The following NAA11 variants were observed in gnomAD, a reference collection of about 807,000 sequenced individuals.
The protein encoded by NAA11 is N-alpha-acetyltransferase 11, NatA catalytic subunit.
In NAA11, 15 loss-of-function variants were observed where a neutral mutation model predicts 16.1. That is an observed-to-expected ratio of 0.93 (90% CI 0.62 to 1.44). NAA11 has a LOEUF of 1.44. NAA11 is among the 40% of genes most tolerant of loss of function. NAA11 has a pLI of 0.00. For synonymous variants in NAA11, 122 were observed against 112.4 expected (o/e 1.09, Z -0.54); for missense variants, 298 against 291.3 (o/e 1.02, Z -0.17).
the NAA11 span, among the ~76,000 whole-genome samples, chr4:79,157,533 A>G: frequency 2.6e-5 from 4 of 151,948 alleles, no homozygotes; most frequent in Admixed American, 6.6e-5. Flanking sequence ...ATGTATATGC[A>G]TGTATATATA....
rs184689457 is a variant in NAA11, at chr4:79,251,405, A to G, written c.*123-25135T>C. Among the ~76,000 whole-genome samples, 6 of 152,350 alleles carry G rather than the reference A, an allele frequency of 3.9e-5. No homozygotes were observed. In the East Asian group the frequency reaches 1.2e-3, roughly 29 times the overall value. On this transcript the variant is annotated intron_variant and NMD_transcript_variant, in intron 2 of 2. Transcript: ENST00000511542. ...AACCAAATATCTCATGTTCTCACTTATAAGTGGGAGCTAAGCATTGAGTAC... is the reference window on the plus strand; with the variant it reads ...AACCAAATATCTCATGTTCTCACTTGTAAGTGGGAGCTAAGCATTGAGTAC...
intron 2 of NAA11, among the ~76,000 whole-genome samples, chr4:79,275,976 A>G (rs1180860122): frequency 6.6e-6 from 1 of 152,112 alleles, no homozygotes; most frequent in Non-Finnish European, 1.5e-5. Context: ...AATCACCTTG[A>G]CAATACATTT....
intron 1 of NAA11, among the ~76,000 whole-genome samples, chr4:79,300,281 T>C (rs1723348211): frequency 6.6e-6 from 1 of 152,204 alleles, no homozygotes; most frequent in Non-Finnish European, 1.5e-5. Context: ...GTTTTATACC[T>C]TGCCATATAC....
the NAA11 span, among the ~76,000 whole-genome samples, chr4:79,168,148 G>T: frequency 6.6e-6 from 1 of 151,934 alleles, no homozygotes; most frequent in African/African-American, 2.4e-5. Context: ...GTGTTAGTTT[G>T]CTGAGAATGA....
At chr4:79,194,166 A>C in the NAA11 span, among the ~76,000 whole-genome samples, 1 of 148,314 alleles carries the variant, frequency 6.7e-6, no homozygotes, top group Non-Finnish European at 1.5e-5. Context: ...TGTCATCTGC[A>C]AACAGGGACA....
chr4:79,277,279 G>T (rs563352826), intron 2 of NAA11, among the ~76,000 whole-genome samples: 1 of 152,020 alleles, frequency 6.6e-6, no homozygotes, highest in Non-Finnish European at 1.5e-5. Flanking sequence ...CGTTATAGGT[G>T]TACTTATTCT....
the NAA11 span, among the ~76,000 whole-genome samples, chr4:79,220,179 G>A: frequency 1.2e-3 from 185 of 152,204 alleles, 1 homozygote; most frequent in African/African-American, 3.9e-3. Context: ...TGTAACCTCC[G>A]CTTCCTGGGT....
chr4:79,288,364 T>C (rs905481260), intron 2 of NAA11, among the ~76,000 whole-genome samples: 1 of 152,178 alleles, frequency 6.6e-6, no homozygotes, highest in Non-Finnish European at 1.5e-5. Context: ...ATAATTAATA[T>C]GTTGTAAGAA....
chr4:79,194,717 C>G, the NAA11 span, among the ~76,000 whole-genome samples: 1 of 152,074 alleles, frequency 6.6e-6, no homozygotes, highest in African/African-American at 2.4e-5. Context: ...ACCTGTCAAT[C>G]CAGGGGGTTT....
intron 2 of NAA11, among the ~76,000 whole-genome samples, chr4:79,244,128 T>C (rs1042125800): frequency 9.9e-5 from 15 of 152,180 alleles, no homozygotes; most frequent in Admixed American, 9.2e-4. Flanking sequence ...AACACTTCAA[T>C]GTTAACAGGG....
At chr4:79,167,825 G>A in the NAA11 span, among the ~76,000 whole-genome samples, 5 of 152,110 alleles carry the variant, frequency 3.3e-5, no homozygotes, top group Non-Finnish European at 4.4e-5. Flanking sequence ...AAAAGGAAGA[G>A]AGAGATGGGG....
intron 2 of NAA11, among the ~76,000 whole-genome samples, chr4:79,284,473 GTTGA>G (rs1477726493): frequency 1.3e-5 from 2 of 152,032 alleles, no homozygotes; most frequent in Non-Finnish European, 2.9e-5. Flanking sequence ...AGAGTATCAG[GTTGA>G]TTATTTTTAA....
intron 2 of NAA11, among the ~76,000 whole-genome samples, chr4:79,292,657 G>C (rs899683667): frequency 6.6e-6 from 1 of 152,136 alleles, no homozygotes; most frequent in African/African-American, 2.4e-5. Flanking sequence ...CCAGAGCAAG[G>C]CTTTTCCAGA....
At position 79,280,282 on chromosome 4, in the gene NAA11, T is replaced by TA. The variant is rs1315284531; in HGVS notation, c.*122+13722dup. On this transcript the variant is annotated intron_variant and NMD_transcript_variant, in intron 2 of 2. Transcript: ENST00000511542. Reference sequence around the variant, plus strand: ...TTTGAGGCACAGTTCTTCCTCCAGATACAATGTTGGTAAGACCAGGAATCA... The same window carrying TA: ...TTTGAGGCACAGTTCTTCCTCCAGATAACAATGTTGGTAAGACCAGGAATCA... 6.6e-5 allele frequency among the ~76,000 whole-genome samples: 10 copies of TA among 152,008 alleles called. No individual in the cohort carries two copies. In the East Asian group the frequency reaches 1.9e-3, roughly 29 times the overall value.
At position 79,249,743 on chromosome 4, in the gene NAA11, A is replaced by AGGG. The variant is rs1277182940; in HGVS notation, c.*123-23474_*123-23473insCCC. Among the ~76,000 whole-genome samples the AGGG allele has an allele frequency of 5.3e-4, 81 of 152,364 alleles. 1 individual carries two copies. Among genetic ancestry groups the AGGG allele is most frequent in the Middle Eastern group, 3.4e-3 (1 of 294 alleles). ...CCTTGCTAGAAAGACCAACATTCAA[A>AGGG]TTCAGAAAACACAGAGAACCCTTAC... On this transcript the variant is annotated intron_variant and NMD_transcript_variant, in intron 2 of 2. Transcript: ENST00000511542.
intron 2 of NAA11, among the ~76,000 whole-genome samples, chr4:79,251,564 A>C (rs370341500): frequency 3.3e-5 from 5 of 152,168 alleles, no homozygotes; most frequent in African/African-American, 1.2e-4. Flanking sequence ...TCTGTATAAC[A>C]AACTCCCATA....
At chr4:79,266,014 A>G (rs947470161) in intron 2 of NAA11, among the ~76,000 whole-genome samples, 1 of 152,298 alleles carries the variant, frequency 6.6e-6, no homozygotes, top group South Asian at 2.1e-4. Context: ...GGGAAAACTC[A>G]GTATCAACCT....
intron 2 of NAA11, among the ~76,000 whole-genome samples, chr4:79,230,966 A>G (rs947117041): frequency 1.3e-5 from 2 of 151,986 alleles, no homozygotes; most frequent in Admixed American, 1.3e-4. Context: ...TTACTTTCTT[A>G]TCAACACTTT....
At chr4:79,297,108 T>A (rs1329482136) in intron 1 of NAA11, among the ~76,000 whole-genome samples, 1 of 152,186 alleles carries the variant, frequency 6.6e-6, no homozygotes, top group Non-Finnish European at 1.5e-5. Flanking sequence ...GAGCCTCTGC[T>A]GCTCTGCATC....
Sources: gnomAD v4.1 joint callset for allele counts (sites outside exome capture counted in the v4.1 genomes callset) on GRCh38, gnomAD v4.1.1 for gene constraint, MANE v1.5 for transcripts, NCBI Gene and HGNC (gene_info 2026-07-23, HGNC 2026-07-21) for gene names.